FRMD4A: variants seen among roughly 807,000 people sequenced by gnomAD.
The protein encoded by FRMD4A is FERM domain containing 4A, also known as FERM domain-containing protein 4A.
In FRMD4A, 29 loss-of-function variants were observed where a neutral mutation model predicts 129.1. The ratio of observed to expected loss-of-function variants is 0.22; its 90% confidence interval spans 0.17 to 0.31. FRMD4A has a LOEUF of 0.31. Among genes scored for constraint, FRMD4A ranks in the 10% least tolerant of loss-of-function variants. The pLI, the probability that FRMD4A is intolerant of heterozygous loss-of-function variation, is 1.00. For synonymous variants in FRMD4A, 634 were observed against 571.6 expected (o/e 1.11, Z -1.56); for missense variants, 1,272 against 1,375.8 (o/e 0.92, Z 1.19).
At chr10:14,086,180 T>C (rs1398516081) in intron 2 of FRMD4A, among the ~76,000 whole-genome samples, 3 of 152,238 alleles carry the variant, frequency 2.0e-5, no homozygotes, top group African/African-American at 7.2e-5. Context: ...GAAGGGGCTA[T>C]GCTGATTAAT....
intron 2 of FRMD4A, among the ~76,000 whole-genome samples, chr10:14,193,498 T>C (rs936684795): frequency 3.0e-5 from 4 of 134,116 alleles, no homozygotes; most frequent in African/African-American, 1.1e-4. Context: ...ACACAGAGTG[T>C]GCAATGGAAA....
intron 2 of FRMD4A, among the ~76,000 whole-genome samples, chr10:13,925,149 C>T (rs1180122316): frequency 6.6e-6 from 1 of 150,828 alleles, no homozygotes; most frequent in African/African-American, 2.4e-5. Context: ...TGTGGTGGCA[C>T]AATGGGCAAG....
intron 3 of FRMD4A, among the ~76,000 whole-genome samples, chr10:13,835,839 C>A (rs1409211359): frequency 2.0e-5 from 3 of 152,138 alleles, no homozygotes; most frequent in African/African-American, 7.2e-5. Context: ...CAAACCATCC[C>A]CCTCCCCCTT....
intron 2 of FRMD4A, among the ~76,000 whole-genome samples, chr10:14,091,816 C>G (rs1729641663): frequency 6.6e-6 from 1 of 152,202 alleles, no homozygotes; most frequent in Non-Finnish European, 1.5e-5. Flanking sequence ...CACTTATTTA[C>G]TTTTCAGTTA....
At chr10:14,085,164 C>T (rs1271851997) in intron 2 of FRMD4A, among the ~76,000 whole-genome samples, 2 of 152,178 alleles carry the variant, frequency 1.3e-5, no homozygotes, top group Non-Finnish European at 1.5e-5. Context: ...AACTTTCATG[C>T]AAAGTAGTTT....
chr10:14,247,447 G>T (rs555078547), intron 2 of FRMD4A, among the ~76,000 whole-genome samples: 1 of 152,210 alleles, frequency 6.6e-6, no homozygotes, highest in Admixed American at 6.5e-5. Flanking sequence ...TAAAATTCTT[G>T]CCATTTCCTT....
chr10:14,070,123 C>T (rs1835250661), intron 2 of FRMD4A, among the ~76,000 whole-genome samples: 1 of 152,074 alleles, frequency 6.6e-6, no homozygotes, highest in Non-Finnish European at 1.5e-5. Flanking sequence ...TCTCTCTGTC[C>T]CCACACTGTC....
chr10:14,185,424 G>A (rs920876815), intron 2 of FRMD4A, among the ~76,000 whole-genome samples: 2 of 152,224 alleles, frequency 1.3e-5, no homozygotes, highest in Admixed American at 6.5e-5. Flanking sequence ...AGCGTAAGGA[G>A]AGCTAGTACA....
At chr10:14,186,565 G>T (rs1213525940) in intron 2 of FRMD4A, among the ~76,000 whole-genome samples, 1 of 152,156 alleles carries the variant, frequency 6.6e-6, no homozygotes, top group East Asian at 1.9e-4. Context: ...GGCACACTGG[G>T]CAGTGACCCT....
Position 13,678,607 on chromosome 10 carries a change from C to G in FRMD4A, c.1118-3563G>C, listed in dbSNP as rs114186491. Among the ~76,000 whole-genome samples the G allele has an allele frequency of 8.5e-5, 13 of 152,328 alleles. No homozygotes were observed. The East Asian group carries it at 2.3e-3, about 27-fold the overall frequency. On this transcript the variant is annotated intron_variant, in intron 15 of 24. Coordinates refer to ENST00000357447, the MANE Select transcript of FRMD4A (RefSeq NM_018027.5). The stretch of plus-strand genomic sequence containing the variant: ...TTGAACATGAGCATGTGTGCGCACG[C>G]GCACGCACACACGTCCTAGTAGAAT...
chr10:14,096,748 T>C (rs1413198500), intron 2 of FRMD4A, among the ~76,000 whole-genome samples: 6 of 152,182 alleles, frequency 3.9e-5, no homozygotes, highest in Non-Finnish European at 8.8e-5. Context: ...GAGCATGAGC[T>C]ACAGAAGCAG....
chr10:13,893,517 TACA>T (rs978194717), intron 2 of FRMD4A, among the ~76,000 whole-genome samples: 2 of 151,954 alleles, frequency 1.3e-5, no homozygotes, highest in African/African-American at 4.8e-5. Context: ...TGTTCAGACC[TACA>T]ACATTTTTTT....
In FRMD4A at chr10:13,666,119, C is replaced by G. The variant is rs2083017274; in HGVS notation, c.1581G>C (p.Gln527His). The change falls in exon 18 of 25, where the codon CAG becomes CAC. Residue 527 changes from glutamine to histidine, a missense_variant. Coordinates refer to ENST00000357447, the MANE Select transcript of FRMD4A (RefSeq NM_018027.5). ...GACCGTCTATGATCAGCGAAGCCCT[C>G]TGGGTGGGTTTCTTCCCAGACTTGA... ...NRIKSGKKPT[Q>H]RASLIIDDGN... The G allele has an allele frequency of 1.2e-6, 2 of 1,611,702 alleles. No homozygotes were observed. The highest frequency in any genetic ancestry group is 1.7e-6 in the Non-Finnish European group (2 of 1,177,766).
chr10:13,940,220 T>C (rs1389350520), intron 2 of FRMD4A, among the ~76,000 whole-genome samples: 1 of 152,138 alleles, frequency 6.6e-6, no homozygotes, highest in East Asian at 1.9e-4. Flanking sequence ...CAGCGTCAAC[T>C]GAGGCCAAGG....
intron 3 of FRMD4A, among the ~76,000 whole-genome samples, chr10:13,811,136 G>GTT (rs796100744): frequency 4.4e-4 from 63 of 143,978 alleles, no homozygotes; most frequent in African/African-American, 1.6e-3. Flanking sequence ...TCCTAGAAGG[G>GTT]TTTTTTTTTT....
chr10:13,880,081 CA>C (rs1417679236), intron 2 of FRMD4A, among the ~76,000 whole-genome samples: 1 of 152,048 alleles, frequency 6.6e-6, no homozygotes, highest in Non-Finnish European at 1.5e-5. Context: ...GGGTGAGCTT[CA>C]ACTCTGTGTC....
At chr10:13,667,414 TC>T (rs2083146820) in intron 17 of FRMD4A, 1 of 147,710 alleles carries the variant, frequency 6.8e-6, no homozygotes, top group Non-Finnish European at 1.5e-5. Context: ...CCTCTATTCT[TC>T]CTTTAGCCAA....
intron 2 of FRMD4A, among the ~76,000 whole-genome samples, chr10:14,263,549 C>G (rs983501086): frequency 1.3e-5 from 2 of 152,164 alleles, no homozygotes; most frequent in Admixed American, 6.5e-5. Flanking sequence ...TGCCCACGAT[C>G]AGCTCTGAGT....
At chr10:14,098,903 T>C (rs1016883488) in intron 2 of FRMD4A, among the ~76,000 whole-genome samples, 1 of 152,172 alleles carries the variant, frequency 6.6e-6, no homozygotes, top group African/African-American at 2.4e-5. Flanking sequence ...GGAACCTGGA[T>C]TGGAACTCCA....
Sources: allele counts gnomAD v4.1 joint callset (sites outside exome capture counted in the v4.1 genomes callset), GRCh38; gene constraint gnomAD v4.1.1; transcripts MANE v1.5; gene names NCBI Gene and HGNC (gene_info 2026-07-23, HGNC 2026-07-21).